The following PEX7 variants were observed in gnomAD, a reference collection of about 807,000 sequenced individuals.
The protein encoded by PEX7 is peroxisomal biogenesis factor 7.
In PEX7, 34 loss-of-function variants were observed where a neutral mutation model predicts 47.5. The observed-to-expected ratio is 0.72, with a 90% CI of 0.54 to 0.95. The LOEUF (loss-of-function observed/expected upper bound fraction) is 0.95. Ranked by LOEUF, PEX7 falls within the 40% of genes least tolerant of loss-of-function variation. The probability of loss-of-function intolerance (pLI) is 0.00; values close to 1 mark genes in which losing one functional copy is unlikely to be tolerated. For synonymous variants in PEX7, 141 were observed against 148.8 expected (o/e 0.95, Z 0.38); for missense variants, 394 against 400.3 (o/e 0.98, Z 0.13).
chr6:136,877,243 A>AATT (rs1775292610), intron 8 of PEX7, among the ~76,000 whole-genome samples: 1 of 151,082 alleles, frequency 6.6e-6, no homozygotes, highest in Non-Finnish European at 1.5e-5. Context: ...GATTGCAAAA[A>AATT]TTTTCTCCCA....
At chr6:136,880,743 G>A (rs1321719137) in intron 8 of PEX7, among the ~76,000 whole-genome samples, 1 of 152,054 alleles carries the variant, frequency 6.6e-6, no homozygotes, top group Non-Finnish European at 1.5e-5. Flanking sequence ...TATTAGATAT[G>A]GCCCAGTCTA....
At chr6:136,836,580 T>C (rs1774388320) in intron 3 of PEX7, among the ~76,000 whole-genome samples, 1 of 152,224 alleles carries the variant, frequency 6.6e-6, no homozygotes, top group African/African-American at 2.4e-5. Context: ...CATAACTAGG[T>C]ATTGAAAATA....
At position 136,822,754 on chromosome 6, in the gene PEX7, G is replaced by C. The variant is rs1034489569; in HGVS notation, c.89G>C (p.Gly30Ala). ...GCCGAGTTCTCCCCGTACCTGCCGG[G>C]CCGCCTGGCCTGCGCCACCGCGCAG... ...YAAEFSPYLP[G>A]RLACATAQHY... Residue 30 changes from glycine (G) to alanine (A), a missense_variant, in exon 1 of 10, where the codon GGC becomes GCC. Physicochemically the swap from Gly to Ala is moderately conservative, Grantham distance 60. Transcript: ENST00000318471. The C allele has an allele frequency of 2.7e-6, 4 of 1,482,042 alleles. No individual in the cohort carries two copies. The highest frequency in any genetic ancestry group is 3.6e-6 in the Non-Finnish European group (4 of 1,123,270). 91.8% of individuals were successfully genotyped at this position (1,482,042 alleles called of 1,614,324 possible).
At chr6:136,864,919 GC>G (rs1775032451) in intron 5 of PEX7, among the ~76,000 whole-genome samples, 1 of 152,116 alleles carries the variant, frequency 6.6e-6, no homozygotes, top group African/African-American at 2.4e-5. Context: ...CTGCTATCAT[GC>G]CAGAAACTAC....
intron 8 of PEX7, among the ~76,000 whole-genome samples, chr6:136,883,293 G>A (rs1421609898): frequency 6.6e-6 from 1 of 152,114 alleles, no homozygotes; most frequent in Non-Finnish European, 1.5e-5. Context: ...AAAGCTTATA[G>A]GCATAGGCAC....
chr6:136,896,610 C>A (rs1355940829), intron 8 of PEX7, among the ~76,000 whole-genome samples: 3 of 152,150 alleles, frequency 2.0e-5, no homozygotes, highest in Non-Finnish European at 2.9e-5. Flanking sequence ...TGAGGTCCTT[C>A]CCTGTCAAGG....
chr6:136,883,433 CT>C (rs1308805577), intron 8 of PEX7, among the ~76,000 whole-genome samples: 13 of 152,082 alleles, frequency 8.5e-5, no homozygotes, highest in Admixed American at 8.5e-4. Context: ...CATGCTGAAC[CT>C]TTTTCTGTTT....
chr6:136,893,284 T>A (rs1196423066), intron 8 of PEX7, among the ~76,000 whole-genome samples: 1 of 152,040 alleles, frequency 6.6e-6, no homozygotes, highest in African/African-American at 2.4e-5. Flanking sequence ...CCTGGAACAT[T>A]CTTCCCTTTC....
chr6:136,909,178 A>G lies in PEX7; in HGVS notation c.904-4280A>G, dbSNP rs534223232. On this transcript the variant is annotated intron_variant, in intron 9 of 9. Transcript: ENST00000318471. ...GAGGTTCTTAATAAGTCTTTGTTGAATAAATGGATGAATAGGTGTATACAT... is the reference window on the plus strand; with the variant it reads ...GAGGTTCTTAATAAGTCTTTGTTGAGTAAATGGATGAATAGGTGTATACAT... Among the ~76,000 whole-genome samples the G allele has an allele frequency of 2.0e-5, 3 of 152,370 alleles. No homozygotes were observed. The East Asian group carries it at 5.8e-4, about 29-fold the overall frequency.
chr6:136,841,136 A>T (rs1445438435), intron 3 of PEX7, among the ~76,000 whole-genome samples: 1 of 152,208 alleles, frequency 6.6e-6, no homozygotes, highest in African/African-American at 2.4e-5. Flanking sequence ...TTTGTTGAAT[A>T]GATGAGTGAA....
At chr6:136,863,004 C>A (rs1206794636) in intron 5 of PEX7, among the ~76,000 whole-genome samples, 1 of 152,186 alleles carries the variant, frequency 6.6e-6, no homozygotes, top group Non-Finnish European at 1.5e-5. Context: ...TTCATCAAAG[C>A]TATTTGGAAT....
chr6:136,852,249 C>G (rs1279514422), intron 5 of PEX7, among the ~76,000 whole-genome samples: 5 of 151,886 alleles, frequency 3.3e-5, no homozygotes, highest in Admixed American at 6.6e-5. Flanking sequence ...AAAACTGGCA[C>G]AAGACAGGGA....
intron 5 of PEX7, among the ~76,000 whole-genome samples, chr6:136,856,748 G>C (rs1382104121): frequency 6.6e-6 from 1 of 152,148 alleles, no homozygotes; most frequent in African/African-American, 2.4e-5. Context: ...AGTGAATCCA[G>C]ATTAGGTGAA....
chr6:136,903,014 T>A (rs1292689385), intron 9 of PEX7, among the ~76,000 whole-genome samples: 1 of 152,210 alleles, frequency 6.6e-6, no homozygotes, highest in Non-Finnish European at 1.5e-5. Context: ...GTTTCCCCAC[T>A]TGAGAAAGAA....
intron 1 of PEX7, among the ~76,000 whole-genome samples, 165 bp from the exon 2 acceptor site, chr6:136,825,049 T>G (rs1774162284): frequency 6.6e-6 from 1 of 152,160 alleles, no homozygotes; most frequent in Non-Finnish European, 1.5e-5. Context: ...TCCCAAAAAC[T>G]TTAGGGAGAA....
chr6:136,889,233 T>A (rs1775517229), intron 8 of PEX7, among the ~76,000 whole-genome samples: 1 of 152,186 alleles, frequency 6.6e-6, no homozygotes, highest in Admixed American at 6.5e-5. Flanking sequence ...TTTCATGAAG[T>A]GAAGTATACT....
Position 136,825,208 on chromosome 6 carries a change from CTTT to C in PEX7, c.131-5_131-3del. The C allele has an allele frequency of 6.2e-7, 1 of 1,613,130 alleles. No homozygotes were observed. The highest frequency in any genetic ancestry group is 8.5e-7 in the Non-Finnish European group (1 of 1,179,220). On this transcript the variant is annotated splice_polypyrimidine_tract_variant and splice_region_variant and intron_variant, in intron 1 of 9. Coordinates refer to ENST00000318471, the MANE Select transcript of PEX7 (RefSeq NM_000288.4). ...AAGGGATGACCTTGATTTTTTTTCT[CTTT>C]AGGCTGTGGAACCCTACTAATATTG...
chr6:136,892,537 C>T (rs1051700570), intron 8 of PEX7, among the ~76,000 whole-genome samples: 1 of 152,124 alleles, frequency 6.6e-6, no homozygotes, highest in African/African-American at 2.4e-5. Flanking sequence ...TTGTCTTCAC[C>T]TTTGAAATGA....
At chr6:136,840,468 A>T (rs1348348833) in intron 3 of PEX7, among the ~76,000 whole-genome samples, 1 of 150,812 alleles carries the variant, frequency 6.6e-6, no homozygotes, top group Non-Finnish European at 1.5e-5. Context: ...AAGAATCAGC[A>T]TGGATGAATC....
Sources: allele counts gnomAD v4.1 joint callset (sites outside exome capture counted in the v4.1 genomes callset), GRCh38; gene constraint gnomAD v4.1.1; transcripts MANE v1.5; gene names NCBI Gene and HGNC (gene_info 2026-07-23, HGNC 2026-07-21).